The following ALOX5AP variants were observed in gnomAD, a reference collection of about 807,000 sequenced individuals.
The protein encoded by ALOX5AP is arachidonate 5-lipoxygenase-activating protein.
A neutral mutation model predicts 18.5 loss-of-function variants in ALOX5AP; 9 were observed. The ratio of observed to expected loss-of-function variants is 0.49; its 90% confidence interval spans 0.29 to 0.85. The LOEUF (loss-of-function observed/expected upper bound fraction) is 0.85, where lower values mean the gene tolerates loss of function less well. ALOX5AP is among the 40% of genes least tolerant of loss of function. The pLI, the probability that ALOX5AP is intolerant of heterozygous loss-of-function variation, is 0.08. For missense variants in ALOX5AP, 172 were observed against 202.5 expected (o/e 0.85, Z 0.91); for synonymous variants, 81 against 78.6 (o/e 1.03, Z -0.16).
At chr13:30,734,823 G>A (rs1951707746), upstream of ALOX5AP, among the ~76,000 whole-genome samples, 1 of 152,092 alleles carries the variant, frequency 6.6e-6, no homozygotes, top group Admixed American at 6.5e-5. Context: ...TGAAGAAATG[G>A]AGATATCAGC....
intron 1 of ALOX5AP, among the ~76,000 whole-genome samples, chr13:30,720,103 G>A (rs1951582233): frequency 6.6e-6 from 1 of 152,092 alleles, no homozygotes; most frequent in African/African-American, 2.4e-5. Flanking sequence ...CTCATGATCC[G>A]CCCACCTCGG....
chr13:30,713,918 A>G, intron 1 of ALOX5AP: 2 of 1,473,142 alleles, frequency 1.4e-6, no homozygotes, highest in South Asian at 2.5e-5. Flanking sequence ...ACCTGGGCCC[A>G]GGGCCATGTT....
At chr13:30,726,063 C>T (rs1030054420) in intron 1 of ALOX5AP, among the ~76,000 whole-genome samples, 5 of 152,132 alleles carry the variant, frequency 3.3e-5, no homozygotes, top group South Asian at 2.1e-4. Context: ...CCCTGGTGTT[C>T]GGGTAGTAAT....
Position 30,713,841 on chromosome 13 carries a change from G to GT in ALOX5AP, c.116_116+1insT (p.Trp39CysfsTer17). On this transcript the variant is annotated frameshift_variant and splice_region_variant. Transcript: ENST00000617770. LOFTEE classifies it high-confidence loss of function. The stretch of plus-strand genomic sequence containing the variant: ...ATTGGGAACATAAGCCATCAGTGCT[G>GT]GTGTGTGTGTGTGTGCGCGCACACG... 7.0e-7 allele frequency: 1 copy of GT among 1,438,536 alleles called. No homozygotes were observed. Among genetic ancestry groups the GT allele is most frequent in the African/African-American group, 1.5e-5 (1 of 66,462 alleles). 89.1% of individuals were successfully genotyped at this position (1,438,536 alleles called of 1,614,324 possible).
chr13:30,725,717 C>T (rs1439167423), intron 1 of ALOX5AP, among the ~76,000 whole-genome samples: 1 of 152,232 alleles, frequency 6.6e-6, no homozygotes, highest in East Asian at 1.9e-4. Flanking sequence ...GCCAAACCTA[C>T]CATCCATGGG....
chr13:30,731,536 C>T (rs1951680585), upstream of ALOX5AP, among the ~76,000 whole-genome samples: 1 of 152,158 alleles, frequency 6.6e-6, no homozygotes, highest in South Asian at 2.1e-4. Flanking sequence ...CCACGTCCAG[C>T]TAATTTACTT....
Position 30,735,686 on chromosome 13 carries a change from C to T in ALOX5AP, c.70+11C>T. ...GCGTGGTCCAGAATGGTAAGGAAAG[C>T]CCTTCACTCAGGGAAGAACAGAAGG... On this transcript the variant is annotated intron_variant, in intron 1 of 4. Coordinates refer to ENST00000380490, the MANE Select transcript of ALOX5AP (RefSeq NM_001629.4). 1 of 1,613,936 alleles carries T rather than the reference C, an allele frequency of 6.2e-7. No individual in the cohort carries two copies. Among genetic ancestry groups the T allele is most frequent in the Non-Finnish European group, 8.5e-7 (1 of 1,179,926 alleles).
intron 1 of ALOX5AP, among the ~76,000 whole-genome samples, chr13:30,721,117 G>A (rs1029314165): frequency 6.6e-6 from 1 of 152,072 alleles, no homozygotes; most frequent in African/African-American, 2.4e-5. Context: ...CCCACCCCAC[G>A]CTTCTTCTCT....
At chr13:30,724,502 C>T (rs1385512066) in intron 1 of ALOX5AP, among the ~76,000 whole-genome samples, 1 of 152,148 alleles carries the variant, frequency 6.6e-6, no homozygotes, top group Non-Finnish European at 1.5e-5. Flanking sequence ...GGCCTTAAGA[C>T]ACAACTGACA....
At chr13:30,754,862 C>T (rs1951879840) in intron 3 of ALOX5AP, among the ~76,000 whole-genome samples, 1 of 152,238 alleles carries the variant, frequency 6.6e-6, no homozygotes, top group African/African-American at 2.4e-5. Flanking sequence ...CAAATGGTGA[C>T]AGTAACACAC....
chr13:30,742,930 C>T (rs1951779400), intron 1 of ALOX5AP, among the ~76,000 whole-genome samples: 1 of 135,502 alleles, frequency 7.4e-6, no homozygotes, highest in Non-Finnish European at 1.6e-5. Context: ...GCATCTCTGA[C>T]ACCCCCACCG....
At chr13:30,714,227 G>A (rs1951531958) in intron 1 of ALOX5AP, among the ~76,000 whole-genome samples, 1 of 142,534 alleles carries the variant, frequency 7.0e-6, no homozygotes, top group Non-Finnish European at 1.5e-5. Context: ...AAAAAAAAAG[G>A]CCTGAGCTGA....
At chr13:30,727,788 G>A (rs1008255947) in intron 1 of ALOX5AP, among the ~76,000 whole-genome samples, 25 of 152,140 alleles carry the variant, frequency 1.6e-4, no homozygotes, top group Non-Finnish European at 2.6e-4. Context: ...TGATAGTTAC[G>A]GGTTCTAGCC....
chr13:30,747,158 C>T (rs548417190), intron 2 of ALOX5AP, among the ~76,000 whole-genome samples: 1 of 152,178 alleles, frequency 6.6e-6, no homozygotes, highest in Non-Finnish European at 1.5e-5. Context: ...ACTCTGTTCA[C>T]GTGTATATTT....
chr13:30,753,230 C>A (rs926184350), intron 3 of ALOX5AP, among the ~76,000 whole-genome samples: 4 of 152,204 alleles, frequency 2.6e-5, no homozygotes, highest in Admixed American at 1.3e-4. Context: ...GCAGAAACCA[C>A]TTAAGGGACA....
At chr13:30,734,294 C>A (rs1047553191), upstream of ALOX5AP, among the ~76,000 whole-genome samples, 1 of 152,108 alleles carries the variant, frequency 6.6e-6, no homozygotes, top group Non-Finnish European at 1.5e-5. Flanking sequence ...TCTCTCTCAG[C>A]TGAACCGAGG....
At chr13:30,715,194 T>A (rs1233018627) in intron 1 of ALOX5AP, among the ~76,000 whole-genome samples, 2 of 152,306 alleles carry the variant, frequency 1.3e-5, no homozygotes, top group South Asian at 4.2e-4. Flanking sequence ...CACATGACTA[T>A]GGCCAAGTTC....
At chr13:30,713,701 G>C in exon 1 of ALOX5AP, 2 of 1,445,662 alleles carry the variant, frequency 1.4e-6, no homozygotes, top group Non-Finnish European at 1.9e-6. Context: ...TGTGAACCAG[G>C]CTCCAGAAGT....
intron 4 of ALOX5AP, 137 bp from the exon 5 acceptor site, chr13:30,763,807 A>C: frequency 1.2e-6 from 1 of 802,480 alleles, no homozygotes; most frequent in Non-Finnish European, 2.0e-6. Context: ...AATGAAGTAA[A>C]TGGGAAAATG....
Sources: allele counts gnomAD v4.1 joint callset (sites outside exome capture counted in the v4.1 genomes callset), GRCh38; gene constraint gnomAD v4.1.1; transcripts MANE v1.5; gene names NCBI Gene and HGNC (gene_info 2026-07-23, HGNC 2026-07-21).